Variants in RERG observed in about 807,000 individuals in gnomAD.
The protein encoded by RERG is ras-related and estrogen-regulated growth inhibitor.
In RERG, 25 loss-of-function variants were observed where a neutral mutation model predicts 23.2. That is an observed-to-expected ratio of 1.08 (90% confidence interval 0.79 to 1.50). The LOEUF (loss-of-function observed/expected upper bound fraction) is 1.50, where lower values mean the gene tolerates loss of function less well. RERG is among the 40% of genes most tolerant of loss of function. RERG has a pLI of 0.00. For synonymous variants in RERG, 81 were observed against 89.1 expected, an observed-to-expected ratio of 0.91 and a Z score of 0.51; for missense variants, 253 against 250.1, an observed-to-expected ratio of 1.01 and a Z score of -0.08.
chr12:15,188,786 A>G (rs1280624169), intron 2 of RERG, among the ~76,000 whole-genome samples: 1 of 152,168 alleles, frequency 6.6e-6, no homozygotes, highest in Non-Finnish European at 1.5e-5. Flanking sequence ...TAGTCCTTAG[A>G]GATAAGTAAA....
chr12:15,202,244 T>C (rs1182863680), intron 2 of RERG, among the ~76,000 whole-genome samples: 1 of 151,776 alleles, frequency 6.6e-6, no homozygotes, highest in African/African-American at 2.4e-5. Flanking sequence ...CTTCAAAAGT[T>C]TCCTTGTGTT....
At chr12:15,200,654 T>G (rs1865203025) in intron 2 of RERG, among the ~76,000 whole-genome samples, 1 of 152,000 alleles carries the variant, frequency 6.6e-6, no homozygotes, top group South Asian at 2.1e-4. Context: ...ACATCTTGTA[T>G]TTTAGTGAAG....
At chr12:15,208,213 C>T (rs1471313473) in intron 2 of RERG, among the ~76,000 whole-genome samples, 3 of 152,118 alleles carry the variant, frequency 2.0e-5, no homozygotes, top group Admixed American at 6.6e-5. Context: ...CCAGCTGCCA[C>T]AATCAAAAGA....
At chr12:15,146,608 G>A (rs1002154079) in intron 2 of RERG, among the ~76,000 whole-genome samples, 1 of 152,166 alleles carries the variant, frequency 6.6e-6, no homozygotes, top group East Asian at 1.9e-4. Context: ...AATCAAATCT[G>A]GGACTGTCAA....
chr12:15,172,018 G>C (rs1243851910), intron 2 of RERG, among the ~76,000 whole-genome samples: 1 of 152,120 alleles, frequency 6.6e-6, no homozygotes, highest in African/African-American at 2.4e-5. Context: ...AGCCATTTAA[G>C]TGTACAATTC....
At chr12:15,113,689 A>G (rs1287379290) in intron 3 of RERG, among the ~76,000 whole-genome samples, 1 of 151,876 alleles carries the variant, frequency 6.6e-6, no homozygotes, top group East Asian at 1.9e-4. Context: ...AAAAACAAAA[A>G]TTTTCTAGAA....
At chr12:15,113,081 A>T (rs1181799255) in intron 3 of RERG, among the ~76,000 whole-genome samples, 1 of 152,216 alleles carries the variant, frequency 6.6e-6, no homozygotes, top group Non-Finnish European at 1.5e-5. Flanking sequence ...ATAACACTAC[A>T]TCAACATCAA....
At chr12:15,187,821 AG>A (rs1482139614) in intron 2 of RERG, among the ~76,000 whole-genome samples, 1 of 151,998 alleles carries the variant, frequency 6.6e-6, no homozygotes, top group African/African-American at 2.4e-5. Flanking sequence ...GGCCTCCCAA[AG>A]TGCTGGGATT....
intron 2 of RERG, among the ~76,000 whole-genome samples, chr12:15,131,118 CT>C (rs557205038): frequency 1.0e-3 from 154 of 152,024 alleles, no homozygotes; most frequent in African/African-American, 3.4e-3. Flanking sequence ...AGAAAATTAA[CT>C]TGTATAACTA....
At chr12:15,145,936 T>C (rs941974127) in intron 2 of RERG, among the ~76,000 whole-genome samples, 1 of 152,222 alleles carries the variant, frequency 6.6e-6, no homozygotes, top group Admixed American at 6.5e-5. Flanking sequence ...CGGTGGTTGA[T>C]TGAGAAATTT....
chr12:15,116,851 C>T (rs1048718787), intron 3 of RERG, among the ~76,000 whole-genome samples: 1 of 152,030 alleles, frequency 6.6e-6, no homozygotes, highest in East Asian at 1.9e-4. Flanking sequence ...CTTTTGATTT[C>T]GTTCATACTA....
intron 2 of RERG, among the ~76,000 whole-genome samples, chr12:15,147,979 C>T (rs972716338): frequency 2.0e-5 from 3 of 152,112 alleles, no homozygotes; most frequent in African/African-American, 4.8e-5. Context: ...TGGTTAGACG[C>T]AAGAAAACAC....
At chr12:15,162,691 T>G (rs1319772572) in intron 2 of RERG, among the ~76,000 whole-genome samples, 3 of 152,168 alleles carry the variant, frequency 2.0e-5, no homozygotes, top group Admixed American at 6.5e-5. Context: ...ACATGAAGAA[T>G]TTTTTAAAAA....
At chr12:15,185,816 A>G (rs1864982999) in intron 2 of RERG, among the ~76,000 whole-genome samples, 2 of 152,078 alleles carry the variant, frequency 1.3e-5, no homozygotes, top group African/African-American at 4.8e-5. Context: ...TGTATCCCCT[A>G]AACAAAAACA....
At chr12:15,153,037 A>C (rs1201779364) in intron 2 of RERG, among the ~76,000 whole-genome samples, 1 of 152,192 alleles carries the variant, frequency 6.6e-6, no homozygotes, top group Non-Finnish European at 1.5e-5. Flanking sequence ...TTATGGTCTA[A>C]GAATGAGGTA....
chr12:15,118,068 G>A (rs1304864369), intron 3 of RERG, among the ~76,000 whole-genome samples: 8 of 152,020 alleles, frequency 5.3e-5, no homozygotes, highest in South Asian at 4.1e-4. Context: ...TGTATCCTTC[G>A]AAACACTCGG....
intron 2 of RERG, among the ~76,000 whole-genome samples, chr12:15,153,963 G>GA (rs1445096695): frequency 6.6e-6 from 1 of 152,142 alleles, no homozygotes; most frequent in Non-Finnish European, 1.5e-5. Flanking sequence ...CACACAGAGA[G>GA]ATGATATGGA....
chr12:15,206,594 A>G (rs568160019), intron 2 of RERG, among the ~76,000 whole-genome samples: 1 of 152,230 alleles, frequency 6.6e-6, no homozygotes, highest in South Asian at 2.1e-4. Flanking sequence ...AGACCTACTG[A>G]GTCAGAACCT....
chr12:15,137,144 T>G (rs553413455), intron 2 of RERG, among the ~76,000 whole-genome samples: 91 of 151,938 alleles, frequency 6.0e-4, no homozygotes, highest in African/African-American at 2.1e-3. Flanking sequence ...AATTAACCCT[T>G]TTATCATCAT....
Sources: allele counts gnomAD v4.1 joint callset (sites outside exome capture counted in the v4.1 genomes callset), GRCh38; gene constraint gnomAD v4.1.1; transcripts MANE v1.5; gene names NCBI Gene and HGNC (gene_info 2026-07-23, HGNC 2026-07-21).